Variants in EFNA5 observed in about 807,000 individuals in gnomAD.
The protein encoded by EFNA5 is ephrin A5.
In EFNA5, 5 loss-of-function variants were observed where a neutral mutation model predicts 22.9. That is an observed-to-expected ratio of 0.22 (90% CI 0.11 to 0.46). EFNA5 has a LOEUF of 0.46. Among genes scored for constraint, EFNA5 ranks in the 20% least tolerant of loss-of-function variants. The pLI is 0.99. For missense variants in EFNA5, 237 were observed against 293.3 expected (o/e 0.81, Z 1.40); for synonymous variants, 113 against 112.2 (o/e 1.01, Z -0.04).
intron 1 of EFNA5, among the ~76,000 whole-genome samples, chr5:107,507,759 C>A (rs575269240): frequency 1.3e-5 from 2 of 152,228 alleles, no homozygotes; most frequent in South Asian, 2.1e-4. Context: ...ATCACTTGAA[C>A]CCAGGAGGTC....
At chr5:107,465,063 CTTT>C (rs11317668) in intron 1 of EFNA5, among the ~76,000 whole-genome samples, 15,194 of 147,444 alleles carry the variant, frequency 0.1, 846 homozygotes, top group African/African-American at 0.14. Flanking sequence ...CTGTGTGAGG[CTTT>C]TTTTTTTTTT....
chr5:107,495,801 T>C (rs1411324603), intron 1 of EFNA5, among the ~76,000 whole-genome samples: 2 of 152,184 alleles, frequency 1.3e-5, no homozygotes, highest in East Asian at 1.9e-4. Flanking sequence ...TGGCCTATTA[T>C]ATACAATGGT....
chr5:107,500,964 T>C (rs1407198582), intron 1 of EFNA5, among the ~76,000 whole-genome samples: 1 of 152,012 alleles, frequency 6.6e-6, no homozygotes, highest in Non-Finnish European at 1.5e-5. Context: ...AACAAGTGAG[T>C]GGGAGAATTC....
chr5:107,494,444 G>A (rs942088979), intron 1 of EFNA5, among the ~76,000 whole-genome samples: 31 of 152,220 alleles, frequency 2.0e-4, no homozygotes, highest in African/African-American at 7.5e-4. Flanking sequence ...CACTGGCGCT[G>A]AGCTTGATTT....
At chr5:107,659,430 CTTT>C (rs1750897059) in intron 1 of EFNA5, among the ~76,000 whole-genome samples, 1 of 151,170 alleles carries the variant, frequency 6.6e-6, no homozygotes, top group South Asian at 2.1e-4. Flanking sequence ...TATTCAATAG[CTTT>C]AAGGTCTTCC....
intron 1 of EFNA5, among the ~76,000 whole-genome samples, chr5:107,651,022 T>A (rs943876434): frequency 1.3e-5 from 2 of 152,200 alleles, no homozygotes; most frequent in Non-Finnish European, 2.9e-5. Flanking sequence ...TGTGCATTTT[T>A]AATGCTCTTT....
intron 1 of EFNA5, among the ~76,000 whole-genome samples, chr5:107,569,164 C>T (rs1195594289): frequency 1.3e-5 from 2 of 151,746 alleles, no homozygotes; most frequent in African/African-American, 2.4e-5. Context: ...GGTTTTGGGG[C>T]TTTCTGTATT....
At chr5:107,614,586 C>G (rs1749877474) in intron 1 of EFNA5, among the ~76,000 whole-genome samples, 1 of 152,108 alleles carries the variant, frequency 6.6e-6, no homozygotes, top group Non-Finnish European at 1.5e-5. Context: ...CACACACATA[C>G]CATCTTTGAG....
chr5:107,430,762 ATTTC>A (rs201449149), intron 1 of EFNA5, among the ~76,000 whole-genome samples: 3,392 of 122,104 alleles, frequency 0.028, 418 homozygotes, highest in African/African-American at 0.067. Context: ...AGCAATTATT[ATTTC>A]TTTCTTTCTT....
intron 2 of EFNA5, among the ~76,000 whole-genome samples, chr5:107,424,021 T>C (rs1748740030): frequency 6.6e-6 from 1 of 152,140 alleles, no homozygotes; most frequent in African/African-American, 2.4e-5. Context: ...TTCTGACTCA[T>C]GTCCTCTCTA....
At position 107,670,649 on chromosome 5, in the gene EFNA5, C is replaced by T; in HGVS notation, c.-36G>A. On this transcript the variant is annotated 5_prime_UTR_variant, in exon 1 of 5. In the 5' UTR this introduces an upstream ATG that the reference lacks. Coordinates refer to ENST00000333274, the MANE Select transcript of EFNA5 (RefSeq NM_001962.3). ...CAGCGGCGGAGCCCCCGACGCGCCA[C>T]TCCGGGGAGAGAGCGGGGATCCGGA... The T allele has an allele frequency of 6.3e-7, 1 of 1,592,098 alleles. No individual in the cohort carries two copies. The highest frequency in any genetic ancestry group is 8.5e-7 in the Non-Finnish European group (1 of 1,170,084).
intron 1 of EFNA5, among the ~76,000 whole-genome samples, chr5:107,437,226 C>T (rs982434750): frequency 6.6e-6 from 1 of 152,108 alleles, no homozygotes; most frequent in Admixed American, 6.5e-5. Context: ...TTATCTTCAT[C>T]AGACAAGGGG....
chr5:107,522,382 C>T (rs904196575), intron 1 of EFNA5, among the ~76,000 whole-genome samples: 2 of 152,072 alleles, frequency 1.3e-5, no homozygotes, highest in African/African-American at 2.4e-5. Context: ...GGCTCTTTCT[C>T]ACTCTCTTTC....
intron 2 of EFNA5, among the ~76,000 whole-genome samples, chr5:107,414,316 T>C (rs1212332854): frequency 6.6e-6 from 1 of 152,194 alleles, no homozygotes; most frequent in East Asian, 1.9e-4. Context: ...TTAACTGATC[T>C]CTTCCTCCTG....
intron 1 of EFNA5, among the ~76,000 whole-genome samples, chr5:107,570,455 C>T (rs1470154736): frequency 6.6e-6 from 1 of 152,228 alleles, no homozygotes; most frequent in African/African-American, 2.4e-5. Context: ...AGGGAAGTAG[C>T]AATGCCTTTC....
chr5:107,467,666 C>T (rs1750026902), intron 1 of EFNA5, among the ~76,000 whole-genome samples: 1 of 152,172 alleles, frequency 6.6e-6, no homozygotes, highest in African/African-American at 2.4e-5. Context: ...CATCAGGCAG[C>T]TTTACCTTTG....
intron 1 of EFNA5, among the ~76,000 whole-genome samples, chr5:107,529,587 T>A: frequency 6.6e-6 from 1 of 152,218 alleles, no homozygotes; most frequent in Non-Finnish European, 1.5e-5. Flanking sequence ...CTTCCTTCTC[T>A]GCACCAAGGC....
chr5:107,667,157 A>T (rs989436913), intron 1 of EFNA5, among the ~76,000 whole-genome samples: 4 of 152,086 alleles, frequency 2.6e-5, no homozygotes, highest in African/African-American at 9.6e-5. Flanking sequence ...AATATAGAAG[A>T]TCTATTTAGG....
chr5:107,396,961 C>T (rs1747942887), intron 2 of EFNA5, among the ~76,000 whole-genome samples: 2 of 152,080 alleles, frequency 1.3e-5, no homozygotes, highest in Non-Finnish European at 2.9e-5. Flanking sequence ...AACTGTATAC[C>T]CAGACATGAC....
Sources: gnomAD v4.1 joint callset for allele counts (sites outside exome capture counted in the v4.1 genomes callset) on GRCh38, gnomAD v4.1.1 for gene constraint, MANE v1.5 for transcripts, NCBI Gene and HGNC (gene_info 2026-07-23, HGNC 2026-07-21) for gene names.